Variants in TECTB observed in about 807,000 individuals in gnomAD.
The protein encoded by TECTB is tectorin beta.
TECTB carries 45 observed loss-of-function variants against 43.3 expected under a neutral mutation model. That is an observed-to-expected ratio of 1.04 (90% confidence interval 0.82 to 1.33). TECTB has a LOEUF of 1.33. Ranked by LOEUF, TECTB falls within the 40% of genes most tolerant of loss-of-function variation. The pLI is 0.00. For synonymous variants in TECTB, 169 were observed against 156.7 expected (o/e 1.08, Z -0.59); for missense variants, 399 against 404.7 (o/e 0.99, Z 0.12).
intron 5 of TECTB, among the ~76,000 whole-genome samples, chr10:112,291,997 G>A (rs1029639657): frequency 2.0e-5 from 3 of 152,088 alleles, no homozygotes; most frequent in Admixed American, 6.5e-5. Flanking sequence ...TTAGCCGGGC[G>A]TGGTGGCAGG....
intron 9 of TECTB, among the ~76,000 whole-genome samples, chr10:112,300,234 G>T (rs867403386): frequency 1.6e-3 from 56 of 34,248 alleles, no homozygotes; most frequent in African/African-American, 3.0e-3. Context: ...AAGAAATAAA[G>T]AAAGAAAGAA....
rs752390353 is a variant in TECTB, at chr10:112,286,068, C to T, written c.268-3C>T. The T allele has an allele frequency of 2.1e-5, 34 of 1,613,912 alleles. No homozygotes were observed. The highest frequency in any genetic ancestry group is 2.9e-5 in the Non-Finnish European group (34 of 1,179,948). ...ATCCTGACTGTCTCCTTTCTTTGTC[C>T]AGTACAAGCCACCTATCTATCACTT... is the stretch of plus-strand genomic sequence containing the variant. On this transcript the variant is annotated splice_region_variant and splice_polypyrimidine_tract_variant and intron_variant, in intron 3 of 10. Transcript: ENST00000646139.
intron 2 of TECTB, 97 bp downstream of exon 2, chr10:112,283,907 T>G: frequency 7.7e-7 from 1 of 1,298,000 alleles, no homozygotes; most frequent in East Asian, 2.5e-5. Flanking sequence ...GTTATAAAAA[T>G]GTAATGATGT....
rs1848640994 is a variant in TECTB at position 112,305,007 on chromosome 10, A to G, written c.*1695A>G. 1 of 152,144 alleles carries G rather than the reference A, an allele frequency of 6.6e-6. No homozygotes were observed. The highest frequency in any genetic ancestry group is 1.5e-5 in the Non-Finnish European group (1 of 68,032). The allele number at this position is 152,144 out of a possible 1,614,324, so 9.4% of individuals were successfully genotyped here. A position where few individuals can be genotyped will look rare whatever the true frequency, so the allele number is the denominator to read the frequency against. ...TGATCTTGTATCTCTACCTGGCGCT[A>G]TGGAATAAATAAAATGCCTTAAAAT... is the stretch of plus-strand genomic sequence containing the variant. On this transcript the variant is annotated 3_prime_UTR_variant, in exon 11 of 11. Transcript: ENST00000646139.
At chr10:112,295,959 C>G (rs942219389) in intron 7 of TECTB, among the ~76,000 whole-genome samples, 2 of 152,142 alleles carry the variant, frequency 1.3e-5, no homozygotes, top group African/African-American at 4.8e-5. Context: ...CCTACCAGAT[C>G]AGAAGGACTC....
chr10:112,304,252 AT>A lies in TECTB; in HGVS notation c.*943del. On this transcript the variant is annotated 3_prime_UTR_variant, in exon 11 of 11. Transcript: ENST00000646139. The stretch of plus-strand genomic sequence containing the variant: ...CTATTTGCTCTACTAAGAAGTTTTC[AT>A]TTATAAGAAATGGTCTGATCTCATT... 1 of 152,340 alleles carries A rather than the reference AT, an allele frequency of 6.6e-6. No homozygotes were observed. Among genetic ancestry groups the A allele is most frequent in the South Asian group, 2.1e-4 (1 of 4,824 alleles). 9.4% of individuals were successfully genotyped at this position (152,340 alleles called of 1,614,324 possible).
chr10:112,284,631 TG>T lies in TECTB; in HGVS notation c.174del (p.Cys59ValfsTer14). 6.2e-7 allele frequency: 1 copy of T among 1,613,876 alleles called. No homozygotes were observed. The highest frequency in any genetic ancestry group is 8.5e-7 in the Non-Finnish European group (1 of 1,179,866). ...GTTCATCAGCTGGCCCTCGGAGGGC[TG>T]TGTTACAATGGGGTCCACGAAGGAG... is the stretch of plus-strand genomic sequence containing the variant. ...WEVHQLALGG[L>X]CYNGVHEGGY... On this transcript the variant is annotated frameshift_variant, in exon 3 of 11. Transcript: ENST00000646139. LOFTEE classifies it high-confidence loss of function.
At chr10:112,285,337 C>A (rs1848445022) in intron 3 of TECTB, among the ~76,000 whole-genome samples, 1 of 152,162 alleles carries the variant, frequency 6.6e-6, no homozygotes, top group African/African-American at 2.4e-5. Context: ...ACCTCCCCAC[C>A]AAGATCTAGC....
intron 5 of TECTB, among the ~76,000 whole-genome samples, chr10:112,286,793 A>G (rs966875987): frequency 6.6e-6 from 1 of 152,104 alleles, no homozygotes; most frequent in East Asian, 1.9e-4. Flanking sequence ...GTGGTGGCAC[A>G]TGCCTGTAGT....
chr10:112,288,369 C>A lies in TECTB; in HGVS notation c.483+1978C>A, dbSNP rs115136339. On this transcript the variant is annotated intron_variant, in intron 5 of 10. Coordinates refer to ENST00000646139, the MANE Select transcript of TECTB (RefSeq NM_058222.3). Reference sequence around the variant, plus strand: ...AAATAATAATAATAAGAGACATGTCCTCAGCATCCCCCAGGCCATCCTCTG... The same window carrying A: ...AAATAATAATAATAAGAGACATGTCATCAGCATCCCCCAGGCCATCCTCTG... 5.1e-3 allele frequency among the ~76,000 whole-genome samples: 780 copies of A among 152,128 alleles called. 9 individuals are homozygous for A. The highest frequency in any genetic ancestry group is 0.017 in the African/African-American group (717 of 41,482).
In TECTB at chr10:112,286,398, G is replaced by A. The variant is rs570069539; in HGVS notation, c.483+7G>A. ...GTCTCTCAACTTCTACACTGTAAGT[G>A]GTCTCCAGGTTCCCATTACTTCCCT... On this transcript the variant is annotated splice_region_variant and intron_variant, in intron 5 of 10. Transcript: ENST00000646139. The A allele has an allele frequency of 1.4e-4, 226 of 1,601,744 alleles. No individual in the cohort carries two copies. The highest frequency in any genetic ancestry group is 1.8e-4 in the Non-Finnish European group (212 of 1,170,182).
chr10:112,288,663 T>C (rs540162198), intron 5 of TECTB, among the ~76,000 whole-genome samples: 1 of 152,308 alleles, frequency 6.6e-6, no homozygotes, highest in South Asian at 2.1e-4. Flanking sequence ...GCTCCCTGCA[T>C]ATATTTCCAT....
intron 5 of TECTB, among the ~76,000 whole-genome samples, chr10:112,292,456 A>C (rs1445394305): frequency 6.6e-6 from 1 of 151,872 alleles, no homozygotes; most frequent in Non-Finnish European, 1.5e-5. Flanking sequence ...TTTGTTTTTG[A>C]CAGAGTCTCA....
chr10:112,289,510 C>G (rs1014728298), intron 5 of TECTB, among the ~76,000 whole-genome samples: 18 of 152,248 alleles, frequency 1.2e-4, no homozygotes, highest in African/African-American at 3.4e-4. Flanking sequence ...GATATTTGGG[C>G]CTTCCCATTT....
At chr10:112,285,666 G>A (rs913576451) in intron 3 of TECTB, among the ~76,000 whole-genome samples, 2 of 152,112 alleles carry the variant, frequency 1.3e-5, no homozygotes, top group African/African-American at 4.8e-5. Flanking sequence ...GTCAGAAGAA[G>A]GAAAGAGCAA....
In TECTB at chr10:112,286,334, C is replaced by T. The variant is rs149007616; in HGVS notation, c.426C>T (p.His142=). 5.9e-5 allele frequency: 95 copies of T among 1,612,130 alleles called. No homozygotes were observed. The African/African-American group carries it at 6.4e-4, about 11-fold the overall frequency. The change falls in exon 5 of 11, where the codon CAC becomes CAT. Residue 142 remains histidine, a synonymous_variant. Transcript: ENST00000646139. ...CCCTTTTCAGAGTGGCCACTGTTCA[C>T]GTGAAGAACGGGAGCATGGGCACAT... The part of the protein sequence containing the change: ...AAFDQRVATV[H]VKNGSMGTFE...
At chr10:112,303,122 T>A (rs1177408691) in intron 10 of TECTB, 141 bp from the exon 11 acceptor site, 1 of 936,210 alleles carries the variant, frequency 1.1e-6, no homozygotes, top group Non-Finnish European at 1.7e-6. Context: ...AGCTACAGAA[T>A]CCCCAAGGGA....
At position 112,283,752 on chromosome 10, in the gene TECTB, T is replaced by C. The variant is rs538867564; in HGVS notation, c.18T>C (p.Phe6=). The change falls in exon 2 of 11, where the codon TTT becomes TTC. Residue 6 remains phenylalanine, a synonymous_variant. Coordinates refer to ENST00000646139, the MANE Select transcript of TECTB (RefSeq NM_058222.3). ...GAGAAGCAATGGTGACGAAGGCCTT[T>C]GTCTTGTTGGCCATCTTTGCAGAAG... The part of the protein sequence containing the change: MVTKA[F]VLLAIFAEAS... 5.3e-5 allele frequency: 86 copies of C among 1,613,968 alleles called. No homozygotes were observed. The East Asian group carries it at 1.8e-3, about 33-fold the overall frequency.
At chr10:112,292,165 T>C (rs575675179) in intron 5 of TECTB, among the ~76,000 whole-genome samples, 1 of 150,654 alleles carries the variant, frequency 6.6e-6, no homozygotes, top group Non-Finnish European at 1.5e-5. Flanking sequence ...GAAAGAAAGC[T>C]AATCCACAGA....
Sources: allele counts gnomAD v4.1 joint callset (sites outside exome capture counted in the v4.1 genomes callset), GRCh38; gene constraint gnomAD v4.1.1; transcripts MANE v1.5; gene names NCBI Gene and HGNC (gene_info 2026-07-23, HGNC 2026-07-21).